The following FANCC variants were observed in gnomAD, a reference collection of about 807,000 sequenced individuals.
FANCC encodes the protein Fanconi anemia group C protein.
In FANCC, 55 loss-of-function variants were observed where a neutral mutation model predicts 71.3. The observed-to-expected ratio is 0.77, with a 90% CI of 0.62 to 0.97. The LOEUF is 0.97. FANCC is among the 50% of genes least tolerant of loss of function. FANCC has a pLI of 0.00. For synonymous variants in FANCC, 275 were observed against 244.9 expected, an observed-to-expected ratio of 1.12 and a Z score of -1.15; for missense variants, 678 against 670.9, an observed-to-expected ratio of 1.01 and a Z score of -0.12.
At chr9:95,278,849 T>C (rs1833204652) in intron 1 of FANCC, among the ~76,000 whole-genome samples, 1 of 150,106 alleles carries the variant, frequency 6.7e-6, no homozygotes, top group African/African-American at 2.5e-5. Context: ...TCAAAAAGAA[T>C]AGTGAAAACA....
At chr9:95,240,125 A>G (rs1249325839) in intron 4 of FANCC, among the ~76,000 whole-genome samples, 1 of 152,222 alleles carries the variant, frequency 6.6e-6, no homozygotes, top group African/African-American at 2.4e-5. Context: ...TAGGTAGCCA[A>G]CTGGAAAGTG....
At chr9:95,107,610 C>G in intron 13 of FANCC, 1 of 419,930 alleles carries the variant, frequency 2.4e-6, no homozygotes, top group Non-Finnish European at 4.4e-6. Flanking sequence ...CTTGAAGACT[C>G]GCCTATCACA....
intron 1 of FANCC, among the ~76,000 whole-genome samples, chr9:95,275,186 TG>T (rs1253210591): frequency 1.3e-5 from 2 of 151,576 alleles, no homozygotes; most frequent in Non-Finnish European, 2.9e-5. Context: ...CAGGAGGCTG[TG>T]GCAGGAGGAT....
At chr9:95,208,393 G>A (rs1052213423) in intron 4 of FANCC, among the ~76,000 whole-genome samples, 12 of 151,842 alleles carry the variant, frequency 7.9e-5, no homozygotes, top group African/African-American at 2.4e-4. Context: ...CACTGCGCCC[G>A]GCCTCCATAA....
intron 4 of FANCC, among the ~76,000 whole-genome samples, chr9:95,234,110 A>C (rs1283420386): frequency 6.6e-6 from 1 of 152,224 alleles, no homozygotes; most frequent in Non-Finnish European, 1.5e-5. Context: ...TAAAAATACT[A>C]CTATGAATGC....
intron 1 of FANCC, among the ~76,000 whole-genome samples, chr9:95,302,881 C>G (rs111943820): frequency 9.8e-5 from 15 of 152,356 alleles, no homozygotes; most frequent in African/African-American, 3.6e-4. Context: ...GTTATAGACT[C>G]AGTATGCATA....
At chr9:95,294,833 T>A in intron 1 of FANCC, 1 of 1,509,772 alleles carries the variant, frequency 6.6e-7, no homozygotes, top group Non-Finnish European at 8.8e-7. Context: ...AGTCCATGTG[T>A]GAGACGGCAT....
At chr9:95,277,705 A>G (rs1253322789) in intron 1 of FANCC, among the ~76,000 whole-genome samples, 1 of 152,198 alleles carries the variant, frequency 6.6e-6, no homozygotes, top group Non-Finnish European at 1.5e-5. Context: ...GGGAACCCCA[A>G]TAAGATTAAC....
intron 6 of FANCC, among the ~76,000 whole-genome samples, chr9:95,158,008 T>C (rs1830540778): frequency 6.6e-6 from 1 of 152,144 alleles, no homozygotes; most frequent in Non-Finnish European, 1.5e-5. Flanking sequence ...GAGAGAAAAG[T>C]TGCGCTTAGA....
chr9:95,184,542 T>C (rs530600078), intron 4 of FANCC, among the ~76,000 whole-genome samples: 1 of 152,284 alleles, frequency 6.6e-6, no homozygotes, highest in Non-Finnish European at 1.5e-5. Flanking sequence ...TAAAAATACA[T>C]GTGAAAGGTC....
At chr9:95,302,092 A>AC (rs1262753849) in intron 1 of FANCC, among the ~76,000 whole-genome samples, 8 of 151,444 alleles carry the variant, frequency 5.3e-5, no homozygotes, top group African/African-American at 1.9e-4. Flanking sequence ...AAAAAAAAAA[A>AC]AAAAACAAAG....
chr9:95,158,247 T>C lies in FANCC; in HGVS notation c.522-8160A>G, dbSNP rs137962332. Among the ~76,000 whole-genome samples the C allele has an allele frequency of 9.1e-3, 1,386 of 152,302 alleles. 11 individuals are homozygous for C. Among genetic ancestry groups the C allele is most frequent in the Middle Eastern group, 0.017 (5 of 294 alleles). On this transcript the variant is annotated intron_variant, in intron 6 of 14. Coordinates refer to ENST00000289081, the MANE Select transcript of FANCC (RefSeq NM_000136.3). ...TCTACCAGCCCACCCACTAAGCTCA[T>C]ATATTCCAAAAATTTAAGATATTTA...
At chr9:95,253,434 GT>G (rs932323449) in intron 1 of FANCC, among the ~76,000 whole-genome samples, 19 of 152,204 alleles carry the variant, frequency 1.2e-4, no homozygotes, top group African/African-American at 4.6e-4. Flanking sequence ...AATGTAAGGT[GT>G]TTCTCTCAAC....
chr9:95,199,352 C>T (rs528646037), intron 4 of FANCC, among the ~76,000 whole-genome samples: 1 of 151,852 alleles, frequency 6.6e-6, no homozygotes, highest in South Asian at 2.1e-4. Flanking sequence ...ACCCACAGCC[C>T]TCTCTGCCTC....
chr9:95,100,999 A>T lies in FANCC; in HGVS notation c.*708T>A. The T allele has an allele frequency of 4.3e-6, 1 of 233,486 alleles. No individual in the cohort carries two copies. The highest frequency in any genetic ancestry group is 6.0e-5 in the East Asian group (1 of 16,582). 14.5% of individuals were successfully genotyped at this position (233,486 alleles called of 1,614,324 possible). On this transcript the variant is annotated 3_prime_UTR_variant, in exon 15 of 15. Coordinates refer to ENST00000289081, the MANE Select transcript of FANCC (RefSeq NM_000136.3). Reference sequence around the variant, plus strand: ...ACAAGAGAACTAACTAACTGAATTAATCCTGCCTTCTAATGTTTCTGGAAC... The same window carrying T: ...ACAAGAGAACTAACTAACTGAATTATTCCTGCCTTCTAATGTTTCTGGAAC...
At chr9:95,170,532 C>T (rs949819196) in intron 6 of FANCC, among the ~76,000 whole-genome samples, 1 of 151,990 alleles carries the variant, frequency 6.6e-6, no homozygotes, top group Non-Finnish European at 1.5e-5. Context: ...GATTAATTGC[C>T]TTTTAATTTG....
intron 4 of FANCC, among the ~76,000 whole-genome samples, chr9:95,220,892 TA>T (rs1829213628): frequency 6.6e-6 from 1 of 151,616 alleles, no homozygotes; most frequent in African/African-American, 2.4e-5. Flanking sequence ...AATAAATAAA[TA>T]AATAAAAGAA....
At chr9:95,293,974 T>A in intron 1 of FANCC, 2 of 1,587,156 alleles carry the variant, frequency 1.3e-6, no homozygotes, top group Non-Finnish European at 1.7e-6. Flanking sequence ...AACTCATAGT[T>A]TGTTACCTCA....
intron 4 of FANCC, among the ~76,000 whole-genome samples, chr9:95,210,150 ATTAT>A (rs1175259900): frequency 6.6e-6 from 1 of 152,214 alleles, no homozygotes; most frequent in Non-Finnish European, 1.5e-5. Context: ...ATTAATATAT[ATTAT>A]TTATGACTAA....
Sources: allele counts gnomAD v4.1 joint callset (sites outside exome capture counted in the v4.1 genomes callset), GRCh38; gene constraint gnomAD v4.1.1; transcripts MANE v1.5; gene names NCBI Gene and HGNC (gene_info 2026-07-23, HGNC 2026-07-21).